The following SLC37A1 variants were observed in gnomAD, a reference collection of about 807,000 sequenced individuals.
SLC37A1 encodes glucose-6-phosphate exchanger SLC37A1.
SLC37A1 carries 49 observed loss-of-function variants against 75.3 expected under a neutral mutation model. The observed-to-expected ratio is 0.65, with a 90% CI of 0.52 to 0.83. The LOEUF (loss-of-function observed/expected upper bound fraction) is 0.83. Among genes scored for constraint, SLC37A1 ranks in the 40% least tolerant of loss-of-function variants. The pLI is 0.00. For missense variants in SLC37A1, 566 were observed against 695.0 expected, an observed-to-expected ratio of 0.81 and a Z score of 2.09; for synonymous variants, 268 against 292.1, an observed-to-expected ratio of 0.92 and a Z score of 0.84.
intron 18 of SLC37A1, chr21:42,576,002 G>T: frequency 1.0e-6 from 1 of 972,944 alleles, no homozygotes; most frequent in Non-Finnish European, 1.2e-6. Context: ...AATATATATT[G>T]AAAATTGTTT....
At chr21:42,553,966 T>G in intron 9 of SLC37A1, 96 bp from the exon 10 acceptor site, 2 of 983,016 alleles carry the variant, frequency 2.0e-6, no homozygotes, top group Non-Finnish European at 3.0e-6. Flanking sequence ...GGTAGCTTTT[T>G]TGGGACGATA....
intron 10 of SLC37A1, among the ~76,000 whole-genome samples, chr21:42,555,243 C>T (rs994964653): frequency 6.6e-6 from 1 of 152,204 alleles, no homozygotes; most frequent in Non-Finnish European, 1.5e-5. Flanking sequence ...CCGCCTTAGC[C>T]TCCCAAAGTG....
rs1017451944 is a variant in SLC37A1 at position 42,531,915 on chromosome 21, A to G, written c.139-2783A>G. ...GGTGCGGGTGAAGGTGACCTTTCCAACATCAAGGAGAAGGGCCAGAGAGGC... is the reference window on the plus strand; with the variant it reads ...GGTGCGGGTGAAGGTGACCTTTCCAGCATCAAGGAGAAGGGCCAGAGAGGC... On this transcript the variant is annotated intron_variant, in intron 3 of 19. Coordinates refer to ENST00000352133, the MANE Select transcript of SLC37A1 (RefSeq NM_001320537.2). Among the ~76,000 whole-genome samples, 3 of 152,188 alleles carry G rather than the reference A, an allele frequency of 2.0e-5. No homozygotes were observed. In the East Asian group the frequency reaches 5.8e-4, roughly 29 times the overall value.
chr21:42,571,541 CTCTT>C, intron 17 of SLC37A1, among the ~76,000 whole-genome samples: 1 of 152,240 alleles, frequency 6.6e-6, no homozygotes, highest in Middle Eastern at 3.4e-3. Context: ...CCCCAGCCCT[CTCTT>C]TCTAGAGGCA....
At chr21:42,509,688 A>G (rs2054417613), upstream of SLC37A1, 1 of 152,220 alleles carries the variant, frequency 6.6e-6, no homozygotes, top group African/African-American at 2.4e-5. The surrounding 1 kb of genome is among the most constrained non-coding windows in gnomAD (Gnocchi z 4.2). Context: ...TTTCTTATCA[A>G]CAACACTAGT....
intron 19 of SLC37A1, 139 bp downstream of exon 19, chr21:42,579,939 C>T: frequency 1.3e-6 from 1 of 757,932 alleles, no homozygotes; most frequent in Non-Finnish European, 2.2e-6. Flanking sequence ...CACCTTCACT[C>T]TCACTTTTTC....
chr21:42,560,181 C>G (rs1042891107), intron 11 of SLC37A1, among the ~76,000 whole-genome samples: 1 of 152,202 alleles, frequency 6.6e-6, no homozygotes, highest in African/African-American at 2.4e-5. Context: ...GTTTTTATTA[C>G]ATTGATGGAC....
chr21:42,528,670 A>G (rs763463778), intron 3 of SLC37A1, among the ~76,000 whole-genome samples: 1 of 152,208 alleles, frequency 6.6e-6, no homozygotes, highest in Non-Finnish European at 1.5e-5. Flanking sequence ...TACTAAAAAT[A>G]CAAAAAAAAT....
chr21:42,546,507 T>C (rs2055410512), intron 8 of SLC37A1, among the ~76,000 whole-genome samples: 1 of 152,266 alleles, frequency 6.6e-6, no homozygotes, highest in Non-Finnish European at 1.5e-5. Context: ...AGTCGTGGGC[T>C]TGTCCACACA....
At chr21:42,535,193 CATCA>C (rs1457203251) in intron 4 of SLC37A1, among the ~76,000 whole-genome samples, 1 of 152,244 alleles carries the variant, frequency 6.6e-6, no homozygotes, top group Non-Finnish European at 1.5e-5. Context: ...AAAGAAAAGG[CATCA>C]ATCAAATGTG....
intron 3 of SLC37A1, among the ~76,000 whole-genome samples, chr21:42,530,171 C>T (rs2054910506): frequency 6.6e-6 from 1 of 152,198 alleles, no homozygotes; most frequent in Admixed American, 6.5e-5. Flanking sequence ...AACCAGTTGA[C>T]TCAGAAACAT....
Position 42,547,058 on chromosome 21 carries a change from C to T in SLC37A1, c.731-45C>T, listed in dbSNP as rs201785169. ...GGTTACGTAGCTTACTTGGCATTGC[C>T]ATGGTGGTGGACCTGCTCAGCCTCA... On this transcript the variant is annotated intron_variant, in intron 8 of 19. Coordinates refer to ENST00000352133, the MANE Select transcript of SLC37A1 (RefSeq NM_001320537.2). The surrounding 1 kb of genome is among the most constrained non-coding windows in gnomAD (Gnocchi z 6.1). 13 of 1,613,892 alleles carry T rather than the reference C, an allele frequency of 8.1e-6. No individual in the cohort carries two copies. The African/African-American group carries it at 1.1e-4, about 13-fold the overall frequency.
chr21:42,539,164 T>C, intron 5 of SLC37A1, among the ~76,000 whole-genome samples: 1 of 152,190 alleles, frequency 6.6e-6, no homozygotes, highest in East Asian at 1.9e-4. Flanking sequence ...ACTATATACA[T>C]TTACTGGATA....
At chr21:42,554,260 TA>T (rs1232553702) in intron 10 of SLC37A1, 118 bp downstream of exon 10, 1 of 865,794 alleles carries the variant, frequency 1.2e-6, no homozygotes, top group Non-Finnish European at 1.7e-6. Flanking sequence ...ATCCAGGTCT[TA>T]AAAAAATTCT....
chr21:42,533,146 C>T (rs1568999844), intron 3 of SLC37A1, among the ~76,000 whole-genome samples: 1 of 152,180 alleles, frequency 6.6e-6, no homozygotes, highest in Non-Finnish European at 1.5e-5. Flanking sequence ...TGGGGTGGCT[C>T]CCTGCCCAGC....
chr21:42,554,018 C>T, intron 9 of SLC37A1, 44 bp from the exon 10 acceptor site: 2 of 1,496,292 alleles, frequency 1.3e-6, no homozygotes, highest in Non-Finnish European at 1.8e-6. Context: ...TAATTTCTAG[C>T]TGTTGAATCA....
chr21:42,563,867 C>A lies in SLC37A1; in HGVS notation c.1125C>A (p.Gly375=). Residue 375 remains glycine (G), a synonymous_variant, in exon 13 of 20, where the codon GGC becomes GGA. Coordinates refer to ENST00000352133, the MANE Select transcript of SLC37A1 (RefSeq NM_001320537.2). Reference sequence around the variant, plus strand: ...AGCTCTCCACCCTGTTTGACGTGGGCGGAATCTTTGGTGAGTTCATTAAGA... The same window carrying A: ...AGCTCTCCACCCTGTTTGACGTGGGAGGAATCTTTGGTGAGTTCATTAAGA... ...AGELSTLFDV[G]GIFGGILAGV... is the part of the protein sequence containing the mutation. 6.2e-7 allele frequency: 1 copy of A among 1,614,122 alleles called. No homozygotes were observed. The highest frequency in any genetic ancestry group is 8.5e-7 in the Non-Finnish European group (1 of 1,180,000).
At chr21:42,539,359 TA>T (rs1197838940) in intron 5 of SLC37A1, among the ~76,000 whole-genome samples, 152 bp from the exon 6 acceptor site, 2 of 152,194 alleles carry the variant, frequency 1.3e-5, no homozygotes, top group African/African-American at 2.4e-5. Flanking sequence ...CATAGGGAAA[TA>T]AGTGTATGAA....
Position 42,570,233 on chromosome 21 carries a change from GT to G in SLC37A1, c.1423+1796del. Among the ~76,000 whole-genome samples the G allele has an allele frequency of 2.2e-5, 3 of 134,432 alleles. 1 individual carries two copies. The highest frequency in any genetic ancestry group is 5.2e-4 in the South Asian group (2 of 3,836). The allele number at this position is 134,432 out of a possible 152,430, so 88.2% of individuals were successfully genotyped here. On this transcript the variant is annotated intron_variant, in intron 17 of 19. Coordinates refer to ENST00000352133, the MANE Select transcript of SLC37A1 (RefSeq NM_001320537.2). ...CGGCAGGCAGGGTGGCCGTTGCCAT[GT>G]CATGTGACACACGGCCTGGTTCTGA...
Sources: gnomAD v4.1 joint callset for allele counts (sites outside exome capture counted in the v4.1 genomes callset) on GRCh38, gnomAD v4.1.1 for gene constraint, Gnocchi (gnomAD v3.1) non-coding constraint, MANE v1.5 for transcripts, NCBI Gene and HGNC (gene_info 2026-07-23, HGNC 2026-07-21) for gene names.